EXD3: variants seen among roughly 807,000 people sequenced by gnomAD.
EXD3 encodes the protein exonuclease mut-7 homolog.
EXD3 carries 92 observed loss-of-function variants against 98.0 expected under a neutral mutation model. The observed-to-expected ratio is 0.94, with a 90% CI of 0.79 to 1.12. The LOEUF (loss-of-function observed/expected upper bound fraction) is 1.12. EXD3 is among the 50% of genes most tolerant of loss of function. The pLI, the probability that EXD3 is intolerant of heterozygous loss-of-function variation, is 0.00. For missense variants in EXD3, 1,222 were observed against 1,191.6 expected, an observed-to-expected ratio of 1.03 and a Z score of -0.38; for synonymous variants, 569 against 526.0, an observed-to-expected ratio of 1.08 and a Z score of -1.12.
intron 2 of EXD3, among the ~76,000 whole-genome samples, chr9:137,386,811 C>T (rs1175054891): frequency 3.1e-4 from 43 of 136,930 alleles, no homozygotes; most frequent in African/African-American, 5.2e-4. Context: ...CCTGCCTGGC[C>T]CCCTCAGCAC....
intron 17 of EXD3, among the ~76,000 whole-genome samples, chr9:137,339,496 C>CAAAAAAAAAA (rs57029740): frequency 1.1e-5 from 1 of 92,698 alleles, no homozygotes; most frequent in African/African-American, 3.7e-5. Flanking sequence ...GACGCCACTT[C>CAAAAAAAAAA]AAAAAAAAAA....
chr9:137,343,353 G>A (rs1017085810), intron 17 of EXD3: 1 of 151,820 alleles, frequency 6.6e-6, no homozygotes, highest in African/African-American at 2.4e-5. Flanking sequence ...GAAGCTTGCA[G>A]GTCCTTCGTG....
chr9:137,355,215 C>T (rs562109426), intron 8 of EXD3, among the ~76,000 whole-genome samples: 1 of 152,208 alleles, frequency 6.6e-6, no homozygotes, highest in Non-Finnish European at 1.5e-5. Flanking sequence ...GTCAGCCTCA[C>T]CTCCATACTC....
At chr9:137,420,173 A>G (rs190175507) in intron 1 of EXD3, among the ~76,000 whole-genome samples, 186 of 152,170 alleles carry the variant, frequency 1.2e-3, no homozygotes, top group African/African-American at 4.2e-3. Flanking sequence ...AAAAAACAAA[A>G]AAAACCCCAG....
intron 17 of EXD3, among the ~76,000 whole-genome samples, chr9:137,345,517 T>G (rs1483118332): frequency 2.0e-5 from 3 of 151,282 alleles, no homozygotes; most frequent in African/African-American, 7.3e-5. Context: ...CAAAAATTAG[T>G]TGGGTGTAGT....
chr9:137,383,767 C>G (rs1007827565), intron 2 of EXD3, among the ~76,000 whole-genome samples: 1 of 152,228 alleles, frequency 6.6e-6, no homozygotes. Context: ...GCACCGCAGT[C>G]CTGGCACCAC....
intron 7 of EXD3, among the ~76,000 whole-genome samples, chr9:137,362,646 G>C (rs1051777565): frequency 6.6e-6 from 1 of 152,032 alleles, no homozygotes; most frequent in African/African-American, 2.4e-5. Flanking sequence ...CTGGGTGTGA[G>C]CCACCGTGCA....
At chr9:137,386,898 CCCCTCAGCACCCCTGCTCCCTGCCTGCCT>C (rs1836622634) in intron 2 of EXD3, among the ~76,000 whole-genome samples, 7 of 136,762 alleles carry the variant, frequency 5.1e-5, no homozygotes, top group Non-Finnish European at 9.4e-5. Flanking sequence ...CCTGCCTGGC[CCCCTCAGCACCCCTGCTCCCTGCCTGCCT>C]CCCTCAGCAC....
chr9:137,354,161 C>T (rs1834475534), intron 10 of EXD3, 178 bp downstream of exon 10: 17 of 1,427,064 alleles, frequency 1.2e-5, no homozygotes, highest in Non-Finnish European at 5.5e-6. Context: ...CTCAGGCCTC[C>T]CGGGCCTGAG....
chr9:137,355,443 G>GGAGGAA (rs1564507952), intron 8 of EXD3, among the ~76,000 whole-genome samples: 3 of 15,942 alleles, frequency 1.9e-4, no homozygotes, highest in South Asian at 2.3e-3. Flanking sequence ...GATGGAGGAA[G>GGAGGAA]GGAGGATGGA....
At position 137,374,758 on chromosome 9, in the gene EXD3, G is replaced by C. The variant is rs1052297835; in HGVS notation, c.121-1159C>G. 3 of 985,324 alleles carry C rather than the reference G, an allele frequency of 3.0e-6. No homozygotes were observed. In the African/African-American group the frequency reaches 5.2e-5, roughly 17 times the overall value. 61.0% of individuals were successfully genotyped at this position (985,324 alleles called of 1,614,324 possible). On this transcript the variant is annotated intron_variant, in intron 3 of 21. Transcript: ENST00000340951. ...GTGAAAGGCAGCTTCTCTGTCCCTC[G>C]GGACTCTGGGAAGAAAAGGAAAGCC...
rs538935676 is a variant in EXD3, at chr9:137,321,146, T to C, written c.2184+2579A>G. 1.2e-4 allele frequency among the ~76,000 whole-genome samples: 19 copies of C among 152,354 alleles called. No homozygotes were observed. The South Asian group carries it at 3.7e-3, about 30-fold the overall frequency. Reference sequence around the variant, plus strand: ...TGCAGATCCGAGCCGAGCCGGAGCTTTCCCTCTTTCCTTCCTGCTTCAATC... The same window carrying C: ...TGCAGATCCGAGCCGAGCCGGAGCTCTCCCTCTTTCCTTCCTGCTTCAATC... On this transcript the variant is annotated intron_variant, in intron 19 of 21. Transcript: ENST00000340951.
At position 137,323,649 on chromosome 9, in the gene EXD3, G is replaced by A. The variant is rs1588246635; in HGVS notation, c.2184+76C>T. 9 of 1,561,164 alleles carry A rather than the reference G, an allele frequency of 5.8e-6. No homozygotes were observed. In the East Asian group the frequency reaches 2.0e-4, roughly 35 times the overall value. The stretch of plus-strand genomic sequence containing the variant: ...CCAGACCCACCACTGTCTAGGGTGG[G>A]GCCCACCTCCCTGGACACCCCCGTA... On this transcript the variant is annotated intron_variant, in intron 19 of 21. Coordinates refer to ENST00000340951, the MANE Select transcript of EXD3 (RefSeq NM_017820.5).
intron 1 of EXD3, among the ~76,000 whole-genome samples, chr9:137,396,678 A>G (rs1375311900): frequency 6.6e-6 from 1 of 152,242 alleles, no homozygotes; most frequent in African/African-American, 2.4e-5. Context: ...TTACGTGGAC[A>G]TCGTCTGTGG....
rs1835566357 is a variant in EXD3, at chr9:137,371,025, T to A, written c.462+1880A>T. On this transcript the variant is annotated intron_variant, in intron 5 of 21. Coordinates refer to ENST00000340951, the MANE Select transcript of EXD3 (RefSeq NM_017820.5). The surrounding 1 kb of genome is among the most constrained non-coding windows in gnomAD (Gnocchi z 8.0). ...GGGCGCGGCGGTGAGCAGTGGAGCA[T>A]GCATCGCCTGCCGGGCGGCCCCGCT... Among the ~76,000 whole-genome samples, 1 of 152,140 alleles carries A rather than the reference T, an allele frequency of 6.6e-6. No individual in the cohort carries two copies. The highest frequency in any genetic ancestry group is 1.5e-5 in the Non-Finnish European group (1 of 68,014).
chr9:137,333,946 G>A (rs1564485753), intron 17 of EXD3, among the ~76,000 whole-genome samples: 1 of 151,910 alleles, frequency 6.6e-6, no homozygotes, highest in Non-Finnish European at 1.5e-5. Context: ...AGGTTCAAGT[G>A]ATTCTCCTGC....
intron 7 of EXD3, chr9:137,365,669 CACACAT>C (rs1422066720): frequency 4.1e-6 from 1 of 246,078 alleles, no homozygotes; most frequent in Admixed American, 5.1e-5. Flanking sequence ...ACCACACGCA[CACACAT>C]GCACAGGCAC....
intron 19 of EXD3, among the ~76,000 whole-genome samples, chr9:137,316,561 C>T (rs936132769): frequency 4.6e-5 from 7 of 152,208 alleles, no homozygotes; most frequent in African/African-American, 1.4e-4. Flanking sequence ...TCCCAGTGCC[C>T]GGGAGGCAGG....
At chr9:137,418,168 GA>G (rs1326310716) in intron 1 of EXD3, among the ~76,000 whole-genome samples, 1 of 152,174 alleles carries the variant, frequency 6.6e-6, no homozygotes, top group East Asian at 1.9e-4. Context: ...CCAACATGGT[GA>G]AACCCCATCT....
Sources: allele counts gnomAD v4.1 joint callset (sites outside exome capture counted in the v4.1 genomes callset), GRCh38; gene constraint gnomAD v4.1.1; non-coding constraint Gnocchi (gnomAD v3.1); transcripts MANE v1.5; gene names NCBI Gene and HGNC (gene_info 2026-07-23, HGNC 2026-07-21).